Variants in IMPDH2 observed in about 807,000 individuals in gnomAD.
The protein encoded by IMPDH2 is inosine-5'-monophosphate dehydrogenase 2.
Under a neutral mutation model 57.8 loss-of-function variants are expected in IMPDH2, and 33 were observed. The observed-to-expected ratio is 0.57, with a 90% CI of 0.43 to 0.76. The LOEUF (loss-of-function observed/expected upper bound fraction) is 0.76. Ranked by LOEUF, IMPDH2 falls within the 30% of genes least tolerant of loss-of-function variation. IMPDH2 has a pLI of 0.00. For missense variants in IMPDH2, 446 were observed against 659.1 expected, an observed-to-expected ratio of 0.68 and a Z score of 3.54; for synonymous variants, 270 against 241.3, an observed-to-expected ratio of 1.12 and a Z score of -1.10.
At chr3:49,025,731 C>T (rs890505075) in intron 9 of IMPDH2, among the ~76,000 whole-genome samples, 5 of 152,208 alleles carry the variant, frequency 3.3e-5, no homozygotes, top group Admixed American at 6.5e-5. Context: ...GCAAGGACCA[C>T]ACAAAGGAGT....
chr3:49,025,546 C>G, intron 9 of IMPDH2: 1 of 458,326 alleles, frequency 2.2e-6, no homozygotes. Flanking sequence ...GGAAAGCCCC[C>G]GTCCAGCTGG....
rs374686919 is a variant in IMPDH2 at position 49,026,909 on chromosome 3, A to G, written c.620-23T>C. 1.4e-5 allele frequency: 22 copies of G among 1,613,860 alleles called. No homozygotes were observed. In the African/African-American group the frequency reaches 2.3e-4, roughly 17 times the overall value. ...TTCCTGTGGTCAGGGCAGGACATGAATCAGGACCCTAGGCATTAGTTCCAG... is the reference window on the plus strand; with the variant it reads ...TTCCTGTGGTCAGGGCAGGACATGAGTCAGGACCCTAGGCATTAGTTCCAG... On this transcript the variant is annotated intron_variant, in intron 6 of 13. Coordinates refer to ENST00000326739, the MANE Select transcript of IMPDH2 (RefSeq NM_000884.3).
intron 9 of IMPDH2, chr3:49,025,882 C>T (rs1021296133): frequency 2.3e-6 from 1 of 443,906 alleles, no homozygotes; most frequent in African/African-American, 2.0e-5. Context: ...GTCTGTGTAT[C>T]AGTTGGCCTT....
intron 10 of IMPDH2, 30 bp downstream of exon 10, chr3:49,025,096 C>T (rs2093192352): frequency 6.2e-7 from 1 of 1,614,166 alleles, no homozygotes; most frequent in Non-Finnish European, 8.5e-7. Flanking sequence ...GGAGGGGGTC[C>T]CACTGGCCTT....
chr3:49,024,766 A>G lies in IMPDH2; in HGVS notation c.1332T>C (p.Ser444=), dbSNP rs1303439380. 1.2e-6 allele frequency: 2 copies of G among 1,614,230 alleles called. No homozygotes were observed. Among genetic ancestry groups the G allele is most frequent in the South Asian group, 1.1e-5 (1 of 91,088 alleles). The change falls in exon 12 of 14, where the codon TCT becomes TCC. Residue 444 remains serine, a synonymous_variant. Coordinates refer to ENST00000326739, the MANE Select transcript of IMPDH2 (RefSeq NM_000884.3). The part of the protein sequence containing the change: ...ADKIKVAQGV[S]GAVQDKGSIH... ...TTGACCCTTTGTCCTGCACAGCACCAGACACTCCCTGGGCCACTTTGATTT... is the reference window on the plus strand; with the variant it reads ...TTGACCCTTTGTCCTGCACAGCACCGGACACTCCCTGGGCCACTTTGATTT...
Position 49,029,377 on chromosome 3 carries a change from C to T in IMPDH2, c.-27G>A. ...GCCAACACAGGACACCGCCGCGTGT[C>T]TCCGAGGACCGCGCCGCAGAGACCT... On this transcript the variant is annotated 5_prime_UTR_variant, in exon 1 of 14. Transcript: ENST00000326739. 3 of 1,482,242 alleles carry T rather than the reference C, an allele frequency of 2.0e-6. No individual in the cohort carries two copies. Among genetic ancestry groups the T allele is most frequent in the Non-Finnish European group, 2.8e-6 (3 of 1,079,356 alleles). 91.8% of individuals were successfully genotyped at this position (1,482,242 alleles called of 1,614,324 possible).
At chr3:49,027,671 G>T in intron 5 of IMPDH2, 39 bp downstream of exon 5, 1 of 1,547,164 alleles carries the variant, frequency 6.5e-7, no homozygotes, top group Non-Finnish European at 8.9e-7. Flanking sequence ...TTCAACCTGG[G>T]CTGCTAGAGC....
chr3:49,027,138 G>T (rs1378971563), intron 5 of IMPDH2, 91 bp from the exon 6 acceptor site: 12 of 979,122 alleles, frequency 1.2e-5, no homozygotes, highest in Non-Finnish European at 2.0e-5. Context: ...GAGCTCAGAG[G>T]CACGCGCCAC....
At chr3:49,028,381 GGAAAGGC>G in intron 3 of IMPDH2, 43 bp downstream of exon 3, 1 of 1,598,258 alleles carries the variant, frequency 6.3e-7, no homozygotes, top group South Asian at 1.1e-5. Flanking sequence ...ATGCCTTTGG[GGAAAGGC>G]GATGGAGTCC....
rs1461570940 is a variant in IMPDH2, at chr3:49,026,890, T to A, written c.620-4A>T. The A allele has an allele frequency of 6.2e-7, 1 of 1,614,216 alleles. No homozygotes were observed. The highest frequency in any genetic ancestry group is 8.5e-7 in the Non-Finnish European group (1 of 1,180,016). ...TCATTTACAATGGGCAACTTTCCTG[T>A]GGTCAGGGCAGGACATGAATCAGGA... On this transcript the variant is annotated splice_polypyrimidine_tract_variant and splice_region_variant and intron_variant, in intron 6 of 13. Transcript: ENST00000326739.
In IMPDH2 at chr3:49,029,371, G is replaced by GC; in HGVS notation, c.-22dup. On this transcript the variant is annotated 5_prime_UTR_variant, in exon 1 of 14. Transcript: ENST00000326739. ...GCCATGGCCAACACAGGACACCGCC[G>GC]CGTGTCTCCGAGGACCGCGCCGCAG... 2 of 1,527,606 alleles carry GC rather than the reference G, an allele frequency of 1.3e-6. No homozygotes were observed. Among genetic ancestry groups the GC allele is most frequent in the Non-Finnish European group, 1.8e-6 (2 of 1,118,498 alleles). The allele number at this position is 1,527,606 out of a possible 1,614,324, so 94.6% of individuals were successfully genotyped here. A position where few individuals can be genotyped will look rare whatever the true frequency, so the allele number is the denominator to read the frequency against.
rs1414715836 is a variant in IMPDH2, at chr3:49,027,855, T to C, written c.386A>G (p.Asp129Gly). The change falls in exon 5 of 14, where the codon GAT (aspartate) becomes GGT (glycine). Residue 129 changes from aspartate (D) to glycine (G), a missense_variant. Transcript: ENST00000326739. Reference sequence around the variant, plus strand: ...ATGCCGGGCCTTGGCCTCAAAAACATCCCGCACGCGATCCTTGGGGCTGAG... The same window carrying C: ...ATGCCGGGCCTTGGCCTCAAAAACACCCCGCACGCGATCCTTGGGGCTGAG... ...VVLSPKDRVRDVFEAKARHGF... is the reference protein window; with the variant it reads ...VVLSPKDRVRGVFEAKARHGF... 6.2e-7 allele frequency: 1 copy of C among 1,614,026 alleles called. No individual in the cohort carries two copies. Among genetic ancestry groups the C allele is most frequent in the Non-Finnish European group, 8.5e-7 (1 of 1,180,024 alleles).
At position 49,024,498 on chromosome 3, in the gene IMPDH2, T is replaced by C; in HGVS notation, c.1520A>G (p.His507Arg). 1 of 1,614,134 alleles carries C rather than the reference T, an allele frequency of 6.2e-7. No individual in the cohort carries two copies. Among genetic ancestry groups the C allele is most frequent in the Non-Finnish European group, 8.5e-7 (1 of 1,180,018 alleles). Residue 507 changes from histidine to arginine, a missense_variant, in exon 13 of 14, where the codon CAT becomes CGT. Coordinates refer to ENST00000326739, the MANE Select transcript of IMPDH2 (RefSeq NM_000884.3). ...AQVEGGVHSL[H>R]SYEKRLF is the part of the protein sequence containing the mutation. ...CACCAAGGACAGGGTGACTTACGAATGGAGGCTATGGACGCCACCTTCCAC... is the reference window on the plus strand; with the variant it reads ...CACCAAGGACAGGGTGACTTACGAACGGAGGCTATGGACGCCACCTTCCAC...
chr3:49,028,607 A>G, intron 2 of IMPDH2, 75 bp from the exon 3 acceptor site: 2 of 1,384,598 alleles, frequency 1.4e-6, no homozygotes, highest in Non-Finnish European at 2.1e-6. Context: ...CCCCACAAAA[A>G]GGCACTTTTG....
Position 49,026,877 on chromosome 3 carries a change from G to T in IMPDH2, c.629C>A (p.Pro210His). ...AAGCTCATCATCTTCATTTACAATG[G>T]GCAACTTTCCTGTGGTCAGGGCAGG... Reference protein sequence around the residue: ...ILQRSKKGKLPIVNEDDELVA... With the variant: ...ILQRSKKGKLHIVNEDDELVA... The change falls in exon 7 of 14, where the codon CCC (proline) becomes CAC (histidine). Residue 210 changes from proline to histidine, a missense_variant. Transcript: ENST00000326739. The T allele has an allele frequency of 6.2e-7, 1 of 1,614,174 alleles. No individual in the cohort carries two copies. Among genetic ancestry groups the T allele is most frequent in the South Asian group, 1.1e-5 (1 of 91,086 alleles).
Position 49,024,347 on chromosome 3 carries a change from T to C in IMPDH2, c.*36A>G. On this transcript the variant is annotated 3_prime_UTR_variant, in exon 14 of 14. Transcript: ENST00000326739. ...CACTTTTTTCTTTCTAAACTTTTAT[T>C]GAAAAAAAAACCGAGGAGGTGTGCT... is the stretch of plus-strand genomic sequence containing the variant. The C allele has an allele frequency of 6.2e-7, 1 of 1,609,956 alleles. No individual in the cohort carries two copies. The highest frequency in any genetic ancestry group is 8.5e-7 in the Non-Finnish European group (1 of 1,176,964).
At position 49,026,847 on chromosome 3, in the gene IMPDH2, G is replaced by A. The variant is rs2093201800; in HGVS notation, c.659C>T (p.Ala220Val). The change falls in exon 7 of 14, where the codon GCC becomes GTC. Residue 220 changes from alanine (A) to valine (V), a missense_variant. Ala to Val is a moderately conservative substitution (Grantham distance 64). Coordinates refer to ENST00000326739, the MANE Select transcript of IMPDH2 (RefSeq NM_000884.3). ...CTTCAGGTCTGTCCGGGCAATGATG[G>A]CCACAAGCTCATCATCTTCATTTAC... ...PIVNEDDELVAIIARTDLKKN... is the reference protein window; with the variant it reads ...PIVNEDDELVVIIARTDLKKN... The A allele has an allele frequency of 6.2e-7, 1 of 1,614,198 alleles. No homozygotes were observed. Among genetic ancestry groups the A allele is most frequent in the Non-Finnish European group, 8.5e-7 (1 of 1,180,032 alleles).
rs2093199206 is a variant in IMPDH2 at position 49,026,310 on chromosome 3, A to G, written c.1006+14T>C. 6.3e-7 allele frequency: 1 copy of G among 1,576,788 alleles called. No individual in the cohort carries two copies. The highest frequency in any genetic ancestry group is 1.7e-5 in the Admixed American group (1 of 57,962). ...ACTGGGGTCTCTGTGGGCCCTATCA[A>G]AGTATATTCTTACCTTCCTGCGTAA... is the stretch of plus-strand genomic sequence containing the variant. On this transcript the variant is annotated intron_variant, in intron 9 of 13. Coordinates refer to ENST00000326739, the MANE Select transcript of IMPDH2 (RefSeq NM_000884.3).
At chr3:49,024,616 C>T in intron 12 of IMPDH2, 38 bp from the exon 13 acceptor site, 4 of 1,614,200 alleles carry the variant, frequency 2.5e-6, no homozygotes, top group Non-Finnish European at 3.4e-6. Flanking sequence ...GTAGCTGGCC[C>T]TGGACCAGCC....
Sources: allele counts gnomAD v4.1 joint callset (sites outside exome capture counted in the v4.1 genomes callset), GRCh38; gene constraint gnomAD v4.1.1; transcripts MANE v1.5; gene names NCBI Gene and HGNC (gene_info 2026-07-23, HGNC 2026-07-21).